Variants in PCSK5 observed in about 807,000 individuals in gnomAD.
PCSK5 encodes the protein prohormone convertase 5.
Under a neutral mutation model 233.2 loss-of-function variants are expected in PCSK5, and 129 were observed. That is an observed-to-expected ratio of 0.55 (90% confidence interval 0.48 to 0.64). PCSK5 has a LOEUF of 0.64. Among genes scored for constraint, PCSK5 ranks in the 30% least tolerant of loss-of-function variants. PCSK5 has a pLI of 0.00. For synonymous variants in PCSK5, 825 were observed against 879.2 expected, an observed-to-expected ratio of 0.94 and a Z score of 1.09; for missense variants, 2,076 against 2,430.1, an observed-to-expected ratio of 0.85 and a Z score of 3.06.
chr9:75,892,957 A>G (rs1477810250), intron 1 of PCSK5, among the ~76,000 whole-genome samples: 1 of 152,216 alleles, frequency 6.6e-6, no homozygotes, highest in African/African-American at 2.4e-5. Context: ...TATCTGCGGA[A>G]GATTTCCATT....
intron 2 of PCSK5, among the ~76,000 whole-genome samples, chr9:75,951,852 G>C (rs1026920440): frequency 2.0e-5 from 3 of 152,126 alleles, no homozygotes; most frequent in Non-Finnish European, 2.9e-5. Context: ...ATGGCTAAAA[G>C]TATATAAGCT....
intron 3 of PCSK5, among the ~76,000 whole-genome samples, chr9:76,013,779 T>C (rs1282469153): frequency 6.6e-6 from 1 of 152,156 alleles, no homozygotes; most frequent in African/African-American, 2.4e-5. Flanking sequence ...ATAGCTGCCA[T>C]TGTATTTCAT....
At chr9:75,904,797 A>G (rs888819008) in intron 1 of PCSK5, among the ~76,000 whole-genome samples, 1 of 152,194 alleles carries the variant, frequency 6.6e-6, no homozygotes, top group Non-Finnish European at 1.5e-5. Flanking sequence ...TCTCTCCTAA[A>G]TGTATACCCA....
At chr9:76,017,126 C>T (rs1470175991) in intron 3 of PCSK5, among the ~76,000 whole-genome samples, 2 of 152,136 alleles carry the variant, frequency 1.3e-5, no homozygotes, top group Non-Finnish European at 2.9e-5. Flanking sequence ...ATACCAAAAA[C>T]GTTTGGCCAG....
chr9:76,119,149 A>G (rs886821495), intron 9 of PCSK5, among the ~76,000 whole-genome samples: 2 of 152,074 alleles, frequency 1.3e-5, no homozygotes, highest in African/African-American at 4.8e-5. Flanking sequence ...TGAATTTCAA[A>G]AGTGTGTTTC....
chr9:75,914,711 C>T (rs1447315253), intron 1 of PCSK5, among the ~76,000 whole-genome samples: 3 of 152,062 alleles, frequency 2.0e-5, no homozygotes, highest in Non-Finnish European at 2.9e-5. Context: ...TCAGGATCCT[C>T]AGTAGGATGT....
intron 6 of PCSK5, 70 bp from the exon 7 acceptor site, chr9:76,071,656 T>C: frequency 7.8e-7 from 1 of 1,290,178 alleles, no homozygotes; most frequent in Non-Finnish European, 1.1e-6. Flanking sequence ...CCGAGAATCC[T>C]GCAGCTCTGT....
intron 3 of PCSK5, among the ~76,000 whole-genome samples, chr9:76,003,876 A>G (rs918770714): frequency 1.3e-5 from 2 of 152,074 alleles, no homozygotes; most frequent in Non-Finnish European, 2.9e-5. Context: ...TGGTGTGATC[A>G]CGGCTCACTG....
intron 5 of PCSK5, among the ~76,000 whole-genome samples, chr9:76,062,890 C>T (rs1830080307): frequency 6.6e-6 from 1 of 152,074 alleles, no homozygotes; most frequent in African/African-American, 2.4e-5. Context: ...GAACACTAGA[C>T]CTTATTCCTA....
chr9:76,223,864 A>T (rs987168751), intron 20 of PCSK5, among the ~76,000 whole-genome samples: 5 of 152,224 alleles, frequency 3.3e-5, no homozygotes, highest in African/African-American at 1.2e-4. Flanking sequence ...CAAAAACAAC[A>T]AAAAAGAGCA....
chr9:75,994,724 A>G (rs1460743282), intron 3 of PCSK5, among the ~76,000 whole-genome samples: 2 of 151,374 alleles, frequency 1.3e-5, no homozygotes, highest in African/African-American at 4.9e-5. Flanking sequence ...GCCCGGCCCC[A>G]CCTCCCAGTT....
At chr9:76,166,821 A>G (rs1361054032) in intron 12 of PCSK5, among the ~76,000 whole-genome samples, 3 of 152,222 alleles carry the variant, frequency 2.0e-5, no homozygotes, top group Admixed American at 2.0e-4. Flanking sequence ...TTCTATATCA[A>G]CATATTCCCT....
chr9:76,289,510 C>CGT (rs1828210738), intron 24 of PCSK5, among the ~76,000 whole-genome samples: 1 of 115,954 alleles, frequency 8.6e-6, no homozygotes. Context: ...CACACACACA[C>CGT]GCAACATACA....
chr9:76,081,108 G>T (rs1587601147), intron 7 of PCSK5, among the ~76,000 whole-genome samples: 1 of 152,116 alleles, frequency 6.6e-6, no homozygotes, highest in Non-Finnish European at 1.5e-5. Context: ...AGGTTTTATT[G>T]TCAAGTATAC....
intron 2 of PCSK5, among the ~76,000 whole-genome samples, chr9:75,974,295 C>A (rs1189285898): frequency 6.6e-6 from 1 of 152,154 alleles, no homozygotes; most frequent in South Asian, 2.1e-4. Context: ...ATTCATCAGG[C>A]CTTCTTCCAG....
chr9:76,046,169 T>TTTTG (rs1829373330), intron 5 of PCSK5, among the ~76,000 whole-genome samples: 4 of 64,804 alleles, frequency 6.2e-5, no homozygotes, highest in South Asian at 5.3e-4. Flanking sequence ...TGTTTTTTTT[T>TTTTG]TTTTTTTTTT....
At chr9:76,297,534 C>T (rs1258341007) in intron 27 of PCSK5, among the ~76,000 whole-genome samples, 4 of 152,134 alleles carry the variant, frequency 2.6e-5, no homozygotes, top group Non-Finnish European at 5.9e-5. Context: ...GTCTTTAGAA[C>T]GCGCCTCCTC....
At chr9:76,094,700 C>G (rs1831434186) in intron 7 of PCSK5, among the ~76,000 whole-genome samples, 2 of 152,174 alleles carry the variant, frequency 1.3e-5, no homozygotes, top group South Asian at 4.2e-4. Context: ...ACCTCCACCT[C>G]TCAGGTTCAA....
chr9:76,249,774 A>G (rs1262255213), intron 24 of PCSK5, among the ~76,000 whole-genome samples: 1 of 152,230 alleles, frequency 6.6e-6, no homozygotes, highest in Non-Finnish European at 1.5e-5. Flanking sequence ...GAAAAAATCC[A>G]CAATGATGGA....
Sources: gnomAD v4.1 joint callset for allele counts (sites outside exome capture counted in the v4.1 genomes callset) on GRCh38, gnomAD v4.1.1 for gene constraint, MANE v1.5 for transcripts, NCBI Gene and HGNC (gene_info 2026-07-23, HGNC 2026-07-21) for gene names.